The following LRRC74B variants were observed in gnomAD, a reference collection of about 807,000 sequenced individuals.
LRRC74B encodes the protein leucine-rich repeat-containing protein 74B.
In LRRC74B, 30 loss-of-function variants were observed where a neutral mutation model predicts 16.6. The observed-to-expected ratio is 1.80, with a 90% CI of 1.35 to 2.45. LRRC74B has a LOEUF of 2.45. Ranked by LOEUF, LRRC74B falls within the 30% of genes most tolerant of loss-of-function variation. The probability of loss-of-function intolerance (pLI) is 0.00; values close to 1 mark genes in which losing one functional copy is unlikely to be tolerated. For missense variants in LRRC74B, 326 were observed against 202.4 expected (o/e 1.61, Z -3.71); for synonymous variants, 134 against 86.0 (o/e 1.56, Z -3.09).
chr22:21,052,158 C>T lies in LRRC74B; in HGVS notation c.623-91C>T, dbSNP rs532484665. 5.5e-4 allele frequency: 385 copies of T among 697,728 alleles called. 6 individuals carry two copies. In the African/African-American group the frequency reaches 6.0e-3, roughly 11 times the overall value. 43.2% of individuals were successfully genotyped at this position (697,728 alleles called of 1,614,324 possible). On this transcript the variant is annotated intron_variant, in intron 4 of 8. Coordinates refer to ENST00000442047, the Ensembl canonical transcript of LRRC74B. The stretch of plus-strand genomic sequence containing the variant: ...GTTTCATGTCTGTGACCCTCCTGCC[C>T]AGCAGAGGCTCGGCACGCAGTGGGC...
intron 7 of LRRC74B, among the ~76,000 whole-genome samples, chr22:21,056,108 G>A (rs980146704): frequency 3.9e-5 from 6 of 152,238 alleles, no homozygotes; most frequent in South Asian, 2.1e-4. Flanking sequence ...TCCTGGCTGC[G>A]GTTCTTTCTT....
chr22:21,053,236 C>T (rs962426590), intron 5 of LRRC74B, 124 bp from the exon 6 acceptor site: 5 of 609,176 alleles, frequency 8.2e-6, no homozygotes, highest in African/African-American at 1.9e-5. Flanking sequence ...TCCTTGGAGC[C>T]TCTCCCCTTC....
intron 2 of LRRC74B, among the ~76,000 whole-genome samples, 171 bp downstream of exon 2, chr22:21,047,669 C>T (rs929449052): frequency 3.9e-5 from 6 of 151,986 alleles, no homozygotes; most frequent in Non-Finnish European, 5.9e-5. Flanking sequence ...TGACAGGTGG[C>T]GTTAAGGGTT....
chr22:21,048,431 C>G (rs1601806581), intron 3 of LRRC74B: 1 of 274,356 alleles, frequency 3.6e-6, no homozygotes, highest in East Asian at 8.9e-5. Context: ...GAGCTGGATA[C>G]CTGGGCAAGC....
downstream of LRRC74B, among the ~76,000 whole-genome samples, chr22:21,061,470 T>G (rs1321424496): frequency 6.6e-6 from 1 of 152,212 alleles, no homozygotes; most frequent in African/African-American, 2.4e-5. Flanking sequence ...AAAATACACA[T>G]GATTAATGTT....
chr22:21,056,725 G>T (rs190874731), intron 7 of LRRC74B: 71 of 222,294 alleles, frequency 3.2e-4, no homozygotes, highest in African/African-American at 1.4e-3. Context: ...GGGAAGCTCC[G>T]CTGAGCCCTG....
intron 6 of LRRC74B, among the ~76,000 whole-genome samples, chr22:21,054,430 AG>A (rs1173225134): frequency 8.5e-5 from 13 of 152,240 alleles, no homozygotes; most frequent in African/African-American, 3.1e-4. Flanking sequence ...CCTAGCCAGG[AG>A]GCACAAGCCC....
chr22:21,058,169 G>C (rs1220140178), intron 8 of LRRC74B, among the ~76,000 whole-genome samples: 3 of 151,588 alleles, frequency 2.0e-5, no homozygotes, highest in African/African-American at 7.3e-5. Flanking sequence ...CCAAGTGCTG[G>C]GATTACAGGC....
intron 4 of LRRC74B, among the ~76,000 whole-genome samples, chr22:21,051,862 A>G (rs573027063): frequency 6.6e-6 from 1 of 151,842 alleles, no homozygotes; most frequent in Non-Finnish European, 1.5e-5. Context: ...CCCACTGTGC[A>G]TAAGCCTGTG....
intron 6 of LRRC74B, among the ~76,000 whole-genome samples, chr22:21,054,460 G>A (rs1447111373): frequency 1.3e-5 from 2 of 152,238 alleles, no homozygotes; most frequent in African/African-American, 2.4e-5. Context: ...GAAAAGAGGC[G>A]GATGCCAGGG....
chr22:21,046,632 A>T (rs866556443), intron 1 of LRRC74B, among the ~76,000 whole-genome samples: 6 of 151,716 alleles, frequency 4.0e-5, no homozygotes, highest in African/African-American at 1.5e-4. Context: ...AAATATATAA[A>T]TAAATTATTT....
intron 5 of LRRC74B, among the ~76,000 whole-genome samples, 159 bp from the exon 6 acceptor site, chr22:21,053,201 G>T (rs1277117313): frequency 2.0e-5 from 3 of 152,152 alleles, no homozygotes; most frequent in Non-Finnish European, 4.4e-5. Context: ...CCACCAGGGG[G>T]TCTGCATGGC....
intron 4 of LRRC74B, chr22:21,049,466 G>A: frequency 3.0e-6 from 1 of 327,882 alleles, no homozygotes; most frequent in Non-Finnish European, 5.6e-6. Flanking sequence ...AGTAATTATT[G>A]GTGCTACAAA....
At position 21,060,358 on chromosome 22, in the gene LRRC74B, T is replaced by C. The variant is rs1490631066; in HGVS notation, c.1024-15T>C. ...ATAGTAACAAAGTTCATCCTTGTAA[T>C]GGGTGTCTCCTTAGGATATCCAGGT... On this transcript the variant is annotated splice_polypyrimidine_tract_variant and intron_variant, in intron 8 of 8. Coordinates refer to ENST00000442047, the Ensembl canonical transcript of LRRC74B. 3.0e-6 allele frequency: 2 copies of C among 676,002 alleles called. No homozygotes were observed. The highest frequency in any genetic ancestry group is 5.4e-6 in the Non-Finnish European group (2 of 367,952). The allele number at this position is 676,002 out of a possible 1,614,324, so 41.9% of individuals were successfully genotyped here. A position where few individuals can be genotyped will look rare whatever the true frequency, so the allele number is the denominator to read the frequency against.
chr22:21,046,189 G>A (rs1423462579), intron 1 of LRRC74B, 64 bp downstream of exon 1: 1 of 706,200 alleles, frequency 1.4e-6, no homozygotes, highest in Non-Finnish European at 2.6e-6. Flanking sequence ...CAGGGGTTGG[G>A]GGAGGCGGGC....
intron 4 of LRRC74B, chr22:21,049,502 A>G (rs1929802934): frequency 4.4e-6 from 1 of 228,220 alleles, no homozygotes; most frequent in Admixed American, 5.7e-5. Context: ...ATGATTCTAG[A>G]GAAGAACAGG....
chr22:21,047,824 G>A (rs1207803040), intron 2 of LRRC74B, 60 bp from the exon 3 acceptor site: 1 of 707,326 alleles, frequency 1.4e-6, no homozygotes, highest in Non-Finnish European at 2.6e-6. Flanking sequence ...ATGTGGAGTG[G>A]GCTGAGCCCT....
At chr22:21,053,741 A>G (rs929791104) in intron 6 of LRRC74B, 9 of 279,204 alleles carry the variant, frequency 3.2e-5, no homozygotes, top group Non-Finnish European at 6.0e-5. Context: ...CCACCACCTC[A>G]GCCTCCCAAG....
chr22:21,046,565 C>T (rs1274862539), intron 1 of LRRC74B, among the ~76,000 whole-genome samples: 1 of 151,964 alleles, frequency 6.6e-6, no homozygotes, highest in African/African-American at 2.4e-5. Context: ...CGCAGGCCAG[C>T]CATGACTTCT....
Sources: allele counts gnomAD v4.1 joint callset (sites outside exome capture counted in the v4.1 genomes callset), GRCh38; gene constraint gnomAD v4.1.1; transcripts MANE v1.5; gene names NCBI Gene and HGNC (gene_info 2026-07-23, HGNC 2026-07-21).